The following P3H2 variants were observed in gnomAD, a reference collection of about 807,000 sequenced individuals.
The protein encoded by P3H2 is leprecan-like 1.
Under a neutral mutation model 87.0 loss-of-function variants are expected in P3H2, and 80 were observed. The ratio of observed to expected loss-of-function variants is 0.92; its 90% confidence interval spans 0.77 to 1.11. P3H2 has a LOEUF of 1.11. Among genes scored for constraint, P3H2 ranks in the 50% least tolerant of loss-of-function variants. P3H2 has a pLI of 0.00. For synonymous variants in P3H2, 367 were observed against 359.3 expected (o/e 1.02, Z -0.24); for missense variants, 1,001 against 923.9 (o/e 1.08, Z -1.08).
In P3H2 at chr3:189,969,415, ACGTCTCT is replaced by A. The variant is rs1251945308; in HGVS notation, c.1893+1394_1893+1400del. ...TAGCTTCTTAGCAGTCTCTATAAGA[ACGTCTCT>A]CGTTTGGGGGCTTGGCCCCCATTGG... On this transcript the variant is annotated intron_variant, in intron 13 of 14. Coordinates refer to ENST00000319332, the MANE Select transcript of P3H2 (RefSeq NM_018192.4). 3.7e-6 allele frequency: 3 copies of A among 803,574 alleles called. No homozygotes were observed. In the Admixed American group the frequency reaches 5.9e-5, roughly 16 times the overall value. 49.8% of individuals were successfully genotyped at this position (803,574 alleles called of 1,614,324 possible). A position where few individuals can be genotyped will look rare whatever the true frequency, so the allele number is the denominator to read the frequency against.
At chr3:189,961,812 T>C (rs1324955411) in intron 14 of P3H2, among the ~76,000 whole-genome samples, 1 of 152,248 alleles carries the variant, frequency 6.6e-6, no homozygotes, top group Non-Finnish European at 1.5e-5. Flanking sequence ...TGTTTCCTAT[T>C]ACAAAGGAGC....
chr3:190,008,615 G>A (rs1490117510), intron 1 of P3H2, among the ~76,000 whole-genome samples: 1 of 152,202 alleles, frequency 6.6e-6, no homozygotes, highest in Non-Finnish European at 1.5e-5. Context: ...GTGTGGCAGA[G>A]TGTAGCAGCT....
chr3:190,024,980 A>T (rs968108757), intron 1 of P3H2, among the ~76,000 whole-genome samples: 1 of 151,900 alleles, frequency 6.6e-6, no homozygotes, highest in African/African-American at 2.4e-5. Context: ...AGACTGACTT[A>T]TCAAAAGACA....
intron 1 of P3H2, among the ~76,000 whole-genome samples, chr3:190,032,710 A>G (rs1725292244): frequency 6.6e-6 from 1 of 152,114 alleles, no homozygotes. Context: ...TCACCCTATG[A>G]CAGAGTCACT....
chr3:189,983,254 C>T, intron 7 of P3H2, 114 bp from the exon 8 acceptor site: 1 of 774,960 alleles, frequency 1.3e-6, no homozygotes, highest in Non-Finnish European at 2.2e-6. Context: ...TTATTGTAAA[C>T]AAGTTCACCT....
At chr3:190,075,311 C>A (rs907914047) in intron 1 of P3H2, among the ~76,000 whole-genome samples, 1 of 151,922 alleles carries the variant, frequency 6.6e-6, no homozygotes, top group African/African-American at 2.4e-5. Flanking sequence ...CATGGTGAAA[C>A]CTTGTCTCTA....
At chr3:190,078,293 T>A (rs757697373) in intron 1 of P3H2, among the ~76,000 whole-genome samples, 2 of 152,222 alleles carry the variant, frequency 1.3e-5, no homozygotes, top group Non-Finnish European at 2.9e-5. Context: ...AGTCACTTGA[T>A]AAACATTTGT....
At chr3:189,998,235 T>C (rs1272293174) in intron 1 of P3H2, among the ~76,000 whole-genome samples, 1 of 152,174 alleles carries the variant, frequency 6.6e-6, no homozygotes, top group Non-Finnish European at 1.5e-5. Context: ...CTCTGGGCAA[T>C]AGCCAGTCTA....
Position 190,120,773 on chromosome 3 carries a change from G to T in P3H2, c.-42C>A, listed in dbSNP as rs1380656024. ...GCGCGGGACGGTTACGCTCGAGAGG[G>T]CTTCGGGGCACCTCGCGTCCGGGTC... On this transcript the variant is annotated 5_prime_UTR_variant, in exon 1 of 15. Transcript: ENST00000319332. 2 of 1,505,816 alleles carry T rather than the reference G, an allele frequency of 1.3e-6. No homozygotes were observed. The highest frequency in any genetic ancestry group is 1.8e-6 in the Non-Finnish European group (2 of 1,133,316). The allele number at this position is 1,505,816 out of a possible 1,614,324, so 93.3% of individuals were successfully genotyped here.
At chr3:190,110,552 T>C (rs1712032404) in intron 1 of P3H2, among the ~76,000 whole-genome samples, 1 of 152,240 alleles carries the variant, frequency 6.6e-6, no homozygotes, top group African/African-American at 2.4e-5. Flanking sequence ...TGCTGACTGT[T>C]GATCCTGGAT....
At chr3:190,067,571 G>C (rs1418562628) in intron 1 of P3H2, among the ~76,000 whole-genome samples, 1 of 152,048 alleles carries the variant, frequency 6.6e-6, no homozygotes, top group African/African-American at 2.4e-5. Flanking sequence ...TAGTGATTCT[G>C]TGTCACTCTC....
intron 1 of P3H2, among the ~76,000 whole-genome samples, chr3:190,062,039 A>T (rs1365414505): frequency 6.6e-6 from 1 of 152,090 alleles, no homozygotes; most frequent in East Asian, 1.9e-4. Flanking sequence ...ATGCTAACTT[A>T]CTTTTCCAAC....
chr3:190,071,931 AT>A (rs997920074), intron 1 of P3H2, among the ~76,000 whole-genome samples: 10 of 151,572 alleles, frequency 6.6e-5, no homozygotes, highest in Non-Finnish European at 1.5e-4. Context: ...AACATTTAAA[AT>A]TTTTTATACT....
chr3:190,069,307 A>G (rs1205455577), intron 1 of P3H2, among the ~76,000 whole-genome samples: 1 of 152,188 alleles, frequency 6.6e-6, no homozygotes, highest in Non-Finnish European at 1.5e-5. Flanking sequence ...CTTCAATATG[A>G]GGCCTAGTTA....
At chr3:190,010,086 C>T (rs75741711) in intron 1 of P3H2, among the ~76,000 whole-genome samples, 1,781 of 152,202 alleles carry the variant, frequency 0.012, 24 homozygotes, top group African/African-American at 0.04. Context: ...TGCATATTCT[C>T]AAAGAGAAGA....
chr3:190,020,591 C>T (rs1315290797), intron 1 of P3H2, among the ~76,000 whole-genome samples: 11 of 133,764 alleles, frequency 8.2e-5, no homozygotes, highest in African/African-American at 2.8e-4. Context: ...GAGCTTTCCC[C>T]TTTCATGAAA....
chr3:190,000,059 T>C (rs1383554918), intron 1 of P3H2, among the ~76,000 whole-genome samples: 4 of 152,242 alleles, frequency 2.6e-5, no homozygotes, highest in Non-Finnish European at 4.4e-5. Context: ...AAAGGACGGA[T>C]TGCTAAAGCA....
intron 1 of P3H2, among the ~76,000 whole-genome samples, chr3:190,035,402 T>C (rs1345705097): frequency 6.6e-6 from 1 of 152,224 alleles, no homozygotes; most frequent in Non-Finnish European, 1.5e-5. Context: ...TTAGTCTATA[T>C]AAAATCCTAT....
intron 1 of P3H2, among the ~76,000 whole-genome samples, chr3:190,058,454 A>G (rs1726230946): frequency 6.6e-6 from 1 of 152,204 alleles, no homozygotes; most frequent in Non-Finnish European, 1.5e-5. Context: ...TAAACTTGTG[A>G]AGTTTCAAAT....
Sources: gnomAD v4.1 joint callset for allele counts (sites outside exome capture counted in the v4.1 genomes callset) on GRCh38, gnomAD v4.1.1 for gene constraint, MANE v1.5 for transcripts, NCBI Gene and HGNC (gene_info 2026-07-23, HGNC 2026-07-21) for gene names.